Variants in RBFOX1 observed in about 807,000 individuals in gnomAD.
The protein encoded by RBFOX1 is RNA binding fox-1 homolog 1, also known as RNA binding protein fox-1 homolog 1.
In RBFOX1, 8 loss-of-function variants were observed where a neutral mutation model predicts 57.7. The observed-to-expected ratio is 0.14, with a 90% CI of 0.08 to 0.25. RBFOX1 has a LOEUF of 0.25. Ranked by LOEUF, RBFOX1 falls within the 10% of genes least tolerant of loss-of-function variation. The pLI, the probability that RBFOX1 is intolerant of heterozygous loss-of-function variation, is 1.00. For missense variants in RBFOX1, 611 were observed against 548.5 expected (o/e 1.11, Z -1.14); for synonymous variants, 326 against 222.4 (o/e 1.47, Z -4.15).
chr16:5,975,303 C>G (rs563038569), intron 4 of RBFOX1, among the ~76,000 whole-genome samples: 10 of 152,240 alleles, frequency 6.6e-5, no homozygotes, highest in Admixed American at 5.9e-4. Context: ...TATGTTGGAG[C>G]AATACATCAC....
intron 3 of RBFOX1, among the ~76,000 whole-genome samples, chr16:6,941,109 T>C (rs934406323): frequency 5.9e-5 from 9 of 151,996 alleles, no homozygotes; most frequent in Admixed American, 2.0e-4. Context: ...AGAGTCTTAG[T>C]TGGAATTTCA....
chr16:6,442,910 G>C (rs2094414537), intron 2 of RBFOX1, among the ~76,000 whole-genome samples: 1 of 152,158 alleles, frequency 6.6e-6, no homozygotes, highest in South Asian at 2.1e-4. Flanking sequence ...CCATGCGAAA[G>C]TAACCGCAAT....
intron 1 of RBFOX1, among the ~76,000 whole-genome samples, chr16:5,267,604 A>G (rs547695074): frequency 4.6e-5 from 7 of 152,062 alleles, no homozygotes; most frequent in African/African-American, 1.7e-4. Context: ...GGGCCCACAC[A>G]TAAGGTTTGA....
At chr16:6,263,509 C>A (rs1195796591) in intron 1 of RBFOX1, among the ~76,000 whole-genome samples, 1 of 151,958 alleles carries the variant, frequency 6.6e-6, no homozygotes, top group Non-Finnish European at 1.5e-5. Flanking sequence ...TTTATGAAAC[C>A]ATTTCTCTGA....
At chr16:5,768,123 A>T (rs190718556) in intron 3 of RBFOX1, among the ~76,000 whole-genome samples, 166 of 152,242 alleles carry the variant, frequency 1.1e-3, no homozygotes, top group Non-Finnish European at 1.9e-3. Flanking sequence ...ATTAAGTCAG[A>T]TTTCTCTATA....
chr16:6,856,932 A>G (rs1386768528), intron 3 of RBFOX1, among the ~76,000 whole-genome samples: 1 of 152,198 alleles, frequency 6.6e-6, no homozygotes, highest in Non-Finnish European at 1.5e-5. Context: ...AGAGAAGGAA[A>G]GAAAACGAAC....
chr16:5,938,091 C>T (rs1262985086), intron 4 of RBFOX1, among the ~76,000 whole-genome samples: 6 of 152,192 alleles, frequency 3.9e-5, no homozygotes, highest in Non-Finnish European at 8.8e-5. Flanking sequence ...AGCTGAAACA[C>T]CTCTGTACCC....
rs961859386 is a variant in RBFOX1, at chr16:5,929,931, A to G, written c.351+62596A>G. On this transcript the variant is annotated intron_variant, in intron 4 of 19. Transcript: ENST00000641259. Reference sequence around the variant, plus strand: ...GGGAGGGTGGGAAATTGTCAAGAACAGATGTGCTTTGAGTGGGGCACAATG... The same window carrying G: ...GGGAGGGTGGGAAATTGTCAAGAACGGATGTGCTTTGAGTGGGGCACAATG... 2.0e-5 allele frequency among the ~76,000 whole-genome samples: 3 copies of G among 151,460 alleles called. 1 individual carries two copies. The highest frequency in any genetic ancestry group is 4.2e-4 in the South Asian group (2 of 4,798).
chr16:5,756,014 T>G (rs976515773), intron 3 of RBFOX1, among the ~76,000 whole-genome samples: 1 of 151,936 alleles, frequency 6.6e-6, no homozygotes, highest in Non-Finnish European at 1.5e-5. Flanking sequence ...AAAGTTTGGA[T>G]TTCATATTTG....
At chr16:6,054,695 T>C (rs1567343532) in intron 1 of RBFOX1, among the ~76,000 whole-genome samples, 1 of 152,238 alleles carries the variant, frequency 6.6e-6, no homozygotes, top group East Asian at 1.9e-4. Context: ...TGTGTTTCTG[T>C]ATGCTGTTGA....
At chr16:6,071,489 G>C (rs933727) in intron 1 of RBFOX1, among the ~76,000 whole-genome samples, 284 of 152,010 alleles carry the variant, frequency 1.9e-3, no homozygotes, top group African/African-American at 6.5e-3. Context: ...TGAGTTTACC[G>C]ATATAACAAA....
chr16:7,610,922 T>G (rs376789627), intron 10 of RBFOX1, among the ~76,000 whole-genome samples: 10 of 152,290 alleles, frequency 6.6e-5, no homozygotes, highest in African/African-American at 1.4e-4. Context: ...ATAAAAATAG[T>G]CTGAATTTAT....
At chr16:5,292,635 T>G (rs903467930) in intron 1 of RBFOX1, among the ~76,000 whole-genome samples, 2 of 151,568 alleles carry the variant, frequency 1.3e-5, no homozygotes, top group African/African-American at 4.8e-5. Flanking sequence ...GAGGGATTTA[T>G]TTATTTATTT....
rs190616888 is a variant in RBFOX1 at position 6,228,642 on chromosome 16, G to T, written c.-126-88353G>T. On this transcript the variant is annotated intron_variant, in intron 1 of 15. Transcript: ENST00000550418. ...CTCATAGAAACAGAGTAAAATGGTG[G>T]TTACCAAGGGCTGGTGGCTGGCAGG... is the stretch of plus-strand genomic sequence containing the variant. Among the ~76,000 whole-genome samples, 4 of 152,246 alleles carry T rather than the reference G, an allele frequency of 2.6e-5. No individual in the cohort carries two copies. The East Asian group carries it at 7.7e-4, about 29-fold the overall frequency.
intron 3 of RBFOX1, among the ~76,000 whole-genome samples, chr16:5,788,014 G>A (rs1337269531): frequency 2.0e-5 from 3 of 152,166 alleles, no homozygotes; most frequent in Non-Finnish European, 2.9e-5. Flanking sequence ...GAAATGAAGC[G>A]ACCTTGTTTA....
At chr16:7,357,165 A>G (rs1265471048) in intron 4 of RBFOX1, among the ~76,000 whole-genome samples, 1 of 151,990 alleles carries the variant, frequency 6.6e-6, no homozygotes, top group Non-Finnish European at 1.5e-5. Context: ...TAGGAACACA[A>G]GGATTTTGAA....
intron 3 of RBFOX1, among the ~76,000 whole-genome samples, chr16:5,769,670 T>G (rs752445914): frequency 3.9e-4 from 59 of 151,774 alleles, no homozygotes; most frequent in Middle Eastern, 6.8e-3. Context: ...GAGGAGAAAT[T>G]TGGACACAAA....
chr16:5,549,033 T>G (rs999550548), intron 2 of RBFOX1, among the ~76,000 whole-genome samples: 36 of 152,232 alleles, frequency 2.4e-4, no homozygotes, highest in African/African-American at 8.7e-4. Context: ...CAATTCATAC[T>G]GGCCGCAAGG....
At chr16:6,194,143 A>C (rs1276917242) in intron 1 of RBFOX1, among the ~76,000 whole-genome samples, 1 of 152,038 alleles carries the variant, frequency 6.6e-6, no homozygotes, top group Non-Finnish European at 1.5e-5. Context: ...ATCCTCTCTC[A>C]GTTGATGGCC....
Sources: allele counts gnomAD v4.1 joint callset (sites outside exome capture counted in the v4.1 genomes callset), GRCh38; gene constraint gnomAD v4.1.1; transcripts MANE v1.5; gene names NCBI Gene and HGNC (gene_info 2026-07-23, HGNC 2026-07-21).